TSPAN18: variants seen among roughly 807,000 people sequenced by gnomAD.
TSPAN18 encodes the protein tetraspanin 18.
Under a neutral mutation model 27.3 loss-of-function variants are expected in TSPAN18, and 14 were observed. That is an observed-to-expected ratio of 0.51 (90% CI 0.34 to 0.80). TSPAN18 has a LOEUF of 0.80. TSPAN18 is among the 30% of genes least tolerant of loss of function. TSPAN18 has a pLI of 0.01. For synonymous variants in TSPAN18, 143 were observed against 136.5 expected (o/e 1.05, Z -0.33); for missense variants, 268 against 323.9 (o/e 0.83, Z 1.32).
intron 2 of TSPAN18, among the ~76,000 whole-genome samples, chr11:44,834,185 C>G (rs112342546): frequency 6.6e-6 from 1 of 151,670 alleles, no homozygotes; most frequent in Non-Finnish European, 1.5e-5. Flanking sequence ...GAGATGGAGG[C>G]GAGGTGGGGG....
At chr11:44,892,772 C>G (rs1858896182) in intron 3 of TSPAN18, among the ~76,000 whole-genome samples, 2 of 152,202 alleles carry the variant, frequency 1.3e-5, no homozygotes, top group Admixed American at 1.3e-4. Context: ...AGCCAGGAAC[C>G]TTATTTTGTC....
intron 3 of TSPAN18, among the ~76,000 whole-genome samples, chr11:44,887,849 C>T (rs189786388): frequency 1.3e-5 from 2 of 152,304 alleles, no homozygotes; most frequent in Admixed American, 1.3e-4. Context: ...CCCTTTCCCT[C>T]CTAGTTCCCA....
At chr11:44,738,804 A>G (rs778346765) in intron 1 of TSPAN18, among the ~76,000 whole-genome samples, 8 of 152,216 alleles carry the variant, frequency 5.3e-5, no homozygotes, top group Non-Finnish European at 4.4e-5. Flanking sequence ...AGGAAGCACA[A>G]TTTAGCCGGT....
chr11:44,848,258 C>T (rs997939564), intron 2 of TSPAN18, among the ~76,000 whole-genome samples: 1 of 152,114 alleles, frequency 6.6e-6, no homozygotes, highest in African/African-American at 2.4e-5. Context: ...TTTGGCTCTT[C>T]GAGGCGTTCA....
intron 2 of TSPAN18, among the ~76,000 whole-genome samples, chr11:44,810,518 T>G (rs1482453985): frequency 6.6e-6 from 1 of 152,248 alleles, no homozygotes; most frequent in Non-Finnish European, 1.5e-5. Context: ...TGCTTACTCA[T>G]TCATCTGTTG....
intron 8 of TSPAN18, among the ~76,000 whole-genome samples, chr11:44,923,116 AG>A (rs997129261): frequency 2.0e-5 from 3 of 152,210 alleles, no homozygotes; most frequent in African/African-American, 7.2e-5. Flanking sequence ...CTCAAAAAAA[AG>A]AAAAAAAGAA....
intron 1 of TSPAN18, among the ~76,000 whole-genome samples, chr11:44,741,344 A>T (rs1258340279): frequency 4.6e-5 from 7 of 152,290 alleles, no homozygotes; most frequent in Admixed American, 1.3e-4. Flanking sequence ...ATATTCTTTT[A>T]AAAATGTGGT....
chr11:44,768,424 G>A (rs1855617349), intron 2 of TSPAN18, among the ~76,000 whole-genome samples: 1 of 152,084 alleles, frequency 6.6e-6, no homozygotes, highest in Admixed American at 6.5e-5. Flanking sequence ...AGATAGGAAA[G>A]CAATGACTTT....
At chr11:44,790,563 CGT>C (rs34560871) in intron 2 of TSPAN18, among the ~76,000 whole-genome samples, 3,853 of 112,838 alleles carry the variant, frequency 0.034, 65 homozygotes, top group Middle Eastern at 0.087. Flanking sequence ...TGCATGTGTT[CGT>C]GTGTGTGTGC....
In TSPAN18 at chr11:44,930,956, C is replaced by T. The variant is rs1460159969; in HGVS notation, c.*1778C>T. On this transcript the variant is annotated 3_prime_UTR_variant, in exon 10 of 10. Coordinates refer to ENST00000520358, the MANE Select transcript of TSPAN18 (RefSeq NM_130783.5). ...TTCCAGTCACCAGGGACACTCGGAG[C>T]CACAGCCTAGAGCCCCGTGTTCCCT... The T allele has an allele frequency of 2.0e-6, 1 of 506,212 alleles. No individual in the cohort carries two copies. Among genetic ancestry groups the T allele is most frequent in the East Asian group, 5.9e-5 (1 of 16,896 alleles). The allele number at this position is 506,212 out of a possible 1,614,324, so 31.4% of individuals were successfully genotyped here.
chr11:44,802,552 C>T (rs1856504453), intron 2 of TSPAN18, among the ~76,000 whole-genome samples: 1 of 148,682 alleles, frequency 6.7e-6, no homozygotes, highest in Non-Finnish European at 1.5e-5. Flanking sequence ...GAAGTCAGGG[C>T]TGCCTCCCCA....
chr11:44,818,825 C>G (rs1268113508), intron 2 of TSPAN18, among the ~76,000 whole-genome samples: 1 of 152,158 alleles, frequency 6.6e-6, no homozygotes, highest in East Asian at 1.9e-4. Flanking sequence ...AGGGGGGAGT[C>G]CTGGCTGGGG....
At chr11:44,903,099 T>C (rs1859322946) in intron 3 of TSPAN18, among the ~76,000 whole-genome samples, 1 of 151,990 alleles carries the variant, frequency 6.6e-6, no homozygotes, top group Admixed American at 6.5e-5. Flanking sequence ...TGGCTGATGA[T>C]GTTATGGTAT....
intron 1 of TSPAN18, among the ~76,000 whole-genome samples, chr11:44,758,099 G>A (rs999834172): frequency 2.0e-5 from 3 of 152,204 alleles, no homozygotes; most frequent in Non-Finnish European, 4.4e-5. Context: ...AATAGAAGTG[G>A]CAAATATGGG....
Position 44,872,277 on chromosome 11 carries a change from A to C in TSPAN18, c.-11+11808A>C, listed in dbSNP as rs547049627. Among the ~76,000 whole-genome samples, 11 of 152,182 alleles carry C rather than the reference A, an allele frequency of 7.2e-5. No homozygotes were observed. The South Asian group carries it at 2.1e-3, about 29-fold the overall frequency. On this transcript the variant is annotated intron_variant, in intron 3 of 9. Transcript: ENST00000520358. ...ACCAATCCTATCAGATTAAGACCCC[A>C]TTCTTATGATCTGACTGAACTTCAG...
At chr11:44,804,745 A>G (rs1194806615) in intron 2 of TSPAN18, among the ~76,000 whole-genome samples, 3 of 150,756 alleles carry the variant, frequency 2.0e-5, no homozygotes, top group South Asian at 4.3e-4. Context: ...TTCAAGTCCA[A>G]AGGCTTTTAC....
intron 1 of TSPAN18, among the ~76,000 whole-genome samples, chr11:44,727,828 AC>A (rs993128381): frequency 6.0e-5 from 9 of 148,966 alleles, no homozygotes; most frequent in Non-Finnish European, 1.2e-4. Flanking sequence ...TTCCTCCAGG[AC>A]CCCCCTTATT....
intron 3 of TSPAN18, among the ~76,000 whole-genome samples, chr11:44,884,328 A>G (rs1858577748): frequency 6.6e-6 from 1 of 152,116 alleles, no homozygotes; most frequent in South Asian, 2.1e-4. Context: ...TCTCAGCACA[A>G]CCGTTCCATG....
chr11:44,774,091 G>A (rs540063632), intron 2 of TSPAN18, among the ~76,000 whole-genome samples: 1 of 152,278 alleles, frequency 6.6e-6, no homozygotes, highest in South Asian at 2.1e-4. Flanking sequence ...CAGGAGATAA[G>A]GATCCAGGGG....
Sources: allele counts gnomAD v4.1 joint callset (sites outside exome capture counted in the v4.1 genomes callset), GRCh38; gene constraint gnomAD v4.1.1; transcripts MANE v1.5; gene names NCBI Gene and HGNC (gene_info 2026-07-23, HGNC 2026-07-21).